TMEM132C: variants seen among roughly 807,000 people sequenced by gnomAD.
TMEM132C encodes transmembrane protein 132C.
TMEM132C carries 29 observed loss-of-function variants against 61.4 expected under a neutral mutation model. The observed-to-expected ratio is 0.47, with a 90% CI of 0.35 to 0.64. TMEM132C has a LOEUF of 0.64. TMEM132C is among the 30% of genes least tolerant of loss of function. The pLI is 0.00. For synonymous variants in TMEM132C, 656 were observed against 633.1 expected, an observed-to-expected ratio of 1.04 and a Z score of -0.54; for missense variants, 1,408 against 1,476.9, an observed-to-expected ratio of 0.95 and a Z score of 0.76.
intron 1 of TMEM132C, among the ~76,000 whole-genome samples, chr12:128,286,062 CCTCTCTCTCT>C (rs138264526): frequency 5.4e-5 from 5 of 92,258 alleles, no homozygotes; most frequent in African/African-American, 1.9e-4. Flanking sequence ...TCTCTCCCTT[CCTCTCTCTCT>C]CTCTCTCTCT....
At chr12:128,622,360 A>ATATATATATAT (rs1555237029) in intron 4 of TMEM132C, among the ~76,000 whole-genome samples, 3 of 30,120 alleles carry the variant, frequency 1.0e-4, no homozygotes, top group Non-Finnish European at 1.6e-4. Context: ...AAAAAAAAAA[A>ATATATATATAT]ATATATATAT....
At chr12:128,435,292 G>A (rs1359929618) in intron 2 of TMEM132C, among the ~76,000 whole-genome samples, 3 of 152,182 alleles carry the variant, frequency 2.0e-5, no homozygotes, top group African/African-American at 4.8e-5. Flanking sequence ...TGCTGCTGCT[G>A]TTGCCAGTCC....
intron 2 of TMEM132C, among the ~76,000 whole-genome samples, chr12:128,463,043 G>A (rs1870595640): frequency 6.6e-6 from 1 of 152,152 alleles, no homozygotes; most frequent in Non-Finnish European, 1.5e-5. Flanking sequence ...CAGACTCCAA[G>A]CTGACATTCA....
intron 3 of TMEM132C, among the ~76,000 whole-genome samples, chr12:128,605,425 A>G (rs1266185225): frequency 1.3e-5 from 2 of 152,140 alleles, no homozygotes; most frequent in Non-Finnish European, 2.9e-5. Flanking sequence ...ATTCACCCAC[A>G]TTGTGGGGGG....
At chr12:128,481,958 T>C (rs1438327161) in intron 2 of TMEM132C, among the ~76,000 whole-genome samples, 2 of 152,202 alleles carry the variant, frequency 1.3e-5, no homozygotes, top group Non-Finnish European at 2.9e-5. Context: ...ATTTGTCTCA[T>C]TCTTCTGCTT....
At position 128,544,069 on chromosome 12, in the gene TMEM132C, G is replaced by A. The variant is rs541595581; in HGVS notation, c.1087G>A (p.Ala363Thr). The change falls in exon 3 of 9, where the codon GCC becomes ACC. Residue 363 changes from alanine (A) to threonine (T), a missense_variant. Coordinates refer to ENST00000435159, the MANE Select transcript of TMEM132C (RefSeq NM_001136103.3). Reference sequence around the variant, plus strand: ...CGGAAAGCACGTGACGGCCACCGTGGCCTGCCAGCGCCTGGGGCCCAGCCC... The same window carrying A: ...CGGAAAGCACGTGACGGCCACCGTGACCTGCCAGCGCCTGGGGCCCAGCCC... ...SGGKHVTATV[A>T]CQRLGPSPRN... 4.9e-5 allele frequency: 75 copies of A among 1,543,522 alleles called. No homozygotes were observed. Among genetic ancestry groups the A allele is most frequent in the Non-Finnish European group, 6.1e-5 (70 of 1,143,218 alleles).
intron 1 of TMEM132C, among the ~76,000 whole-genome samples, chr12:128,332,163 A>G (rs571791137): frequency 6.6e-6 from 1 of 152,314 alleles, no homozygotes; most frequent in Non-Finnish European, 1.5e-5. Context: ...TGCTTCAAGT[A>G]GTGTTTGCAC....
At chr12:128,686,883 C>T (rs149215792) in intron 5 of TMEM132C, among the ~76,000 whole-genome samples, 24 of 151,992 alleles carry the variant, frequency 1.6e-4, no homozygotes, top group Non-Finnish European at 3.1e-4. Context: ...AAGGGAGGTT[C>T]GGGGGAGTTG....
chr12:128,367,688 C>T (rs570079080), intron 1 of TMEM132C, among the ~76,000 whole-genome samples: 17 of 150,642 alleles, frequency 1.1e-4, no homozygotes, highest in African/African-American at 3.9e-4. Flanking sequence ...GTCCAAACTG[C>T]GATGAGCTGT....
intron 2 of TMEM132C, among the ~76,000 whole-genome samples, chr12:128,456,366 CTTTTTTTTTTTTTTTTTTTTTTTT>C (rs554652054): frequency 1.9e-5 from 1 of 52,498 alleles, no homozygotes; most frequent in Non-Finnish European, 4.0e-5. Context: ...TCTGATTAGC[CTTTTTTTTTTTTTTTTTTTTTTTT>C]TTTTTTTTTT....
At chr12:128,563,366 T>C (rs1354562737) in intron 3 of TMEM132C, among the ~76,000 whole-genome samples, 3 of 152,086 alleles carry the variant, frequency 2.0e-5, no homozygotes, top group African/African-American at 7.2e-5. Flanking sequence ...GACAGCAAGG[T>C]GAGGGCTCAA....
At chr12:128,268,709 G>T (rs925127714) in intron 1 of TMEM132C, among the ~76,000 whole-genome samples, 5 of 152,086 alleles carry the variant, frequency 3.3e-5, no homozygotes, top group Non-Finnish European at 5.9e-5. Context: ...GTCAATGGAG[G>T]TTTAAAAGTA....
At position 128,474,927 on chromosome 12, in the gene TMEM132C, A is replaced by G. The variant is rs551977200; in HGVS notation, c.974+59307A>G. On this transcript the variant is annotated intron_variant, in intron 2 of 8. Coordinates refer to ENST00000435159, the MANE Select transcript of TMEM132C (RefSeq NM_001136103.3). ...GTTTTTCTGTATGTGACCAGTTATC[A>G]GACATTCCCGACAGTGCCCCCTTTG... Among the ~76,000 whole-genome samples, 4 of 152,296 alleles carry G rather than the reference A, an allele frequency of 2.6e-5. No homozygotes were observed. In the South Asian group the frequency reaches 8.3e-4, roughly 32 times the overall value.
chr12:128,286,264 C>T (rs1279806583), intron 1 of TMEM132C, among the ~76,000 whole-genome samples: 1 of 151,428 alleles, frequency 6.6e-6, no homozygotes, highest in Admixed American at 6.6e-5. Flanking sequence ...TATACGTGAA[C>T]ATTTCAGGAA....
chr12:128,517,233 CAAAT>C (rs59000862), intron 2 of TMEM132C, among the ~76,000 whole-genome samples: 18,922 of 142,644 alleles, frequency 0.13, 1,368 homozygotes, highest in South Asian at 0.21. Flanking sequence ...TCCGTCTCAA[CAAAT>C]AAATAAATAA....
chr12:128,336,542 G>C (rs1307888559), intron 1 of TMEM132C, among the ~76,000 whole-genome samples: 1 of 152,262 alleles, frequency 6.6e-6, no homozygotes, highest in South Asian at 2.1e-4. Context: ...TATTTTATAA[G>C]TTAAATATCA....
At chr12:128,691,625 G>A (rs144391643) in intron 5 of TMEM132C, among the ~76,000 whole-genome samples, 6 of 151,736 alleles carry the variant, frequency 4.0e-5, no homozygotes, top group African/African-American at 7.3e-5. Context: ...TCAATCTGTC[G>A]ACCTATTCAC....
intron 1 of TMEM132C, among the ~76,000 whole-genome samples, chr12:128,355,230 G>A (rs1373811598): frequency 2.0e-5 from 3 of 152,144 alleles, no homozygotes; most frequent in Admixed American, 1.3e-4. Flanking sequence ...CCAAGAGGAT[G>A]AGCAGGAATA....
intron 3 of TMEM132C, among the ~76,000 whole-genome samples, chr12:128,550,113 TG>T (rs1874116055): frequency 6.6e-6 from 1 of 152,176 alleles, no homozygotes; most frequent in South Asian, 2.1e-4. Context: ...TTCCACAGAC[TG>T]GTTGGCTTAA....
Sources: gnomAD v4.1 joint callset for allele counts (sites outside exome capture counted in the v4.1 genomes callset) on GRCh38, gnomAD v4.1.1 for gene constraint, MANE v1.5 for transcripts, NCBI Gene and HGNC (gene_info 2026-07-23, HGNC 2026-07-21) for gene names.